CPT1A: variants seen among roughly 807,000 people sequenced by gnomAD.
The protein encoded by CPT1A is carnitine palmitoyltransferase 1A.
CPT1A carries 64 observed loss-of-function variants against 100.8 expected under a neutral mutation model. That is an observed-to-expected ratio of 0.63 (90% CI 0.52 to 0.78). The LOEUF is 0.78. Ranked by LOEUF, CPT1A falls within the 30% of genes least tolerant of loss-of-function variation. CPT1A has a pLI of 0.00. For synonymous variants in CPT1A, 363 were observed against 396.0 expected, an observed-to-expected ratio of 0.92 and a Z score of 0.99; for missense variants, 802 against 1,034.1, an observed-to-expected ratio of 0.78 and a Z score of 3.08.
chr11:68,797,053 T>C, intron 6 of CPT1A, 120 bp from the exon 7 acceptor site: 1 of 861,474 alleles, frequency 1.2e-6, no homozygotes, highest in Non-Finnish European at 1.9e-6. Flanking sequence ...TTTCGGCGTC[T>C]AACAGGGGCC....
intron 3 of CPT1A, among the ~76,000 whole-genome samples, chr11:68,809,438 A>G (rs1413580917): frequency 6.6e-6 from 1 of 152,226 alleles, no homozygotes; most frequent in African/African-American, 2.4e-5. Flanking sequence ...TGCTCCTTAC[A>G]AGGCTGTCGG....
At chr11:68,843,641 C>A (rs895043201), upstream of CPT1A, among the ~76,000 whole-genome samples, 2 of 152,234 alleles carry the variant, frequency 1.3e-5, no homozygotes, top group African/African-American at 2.4e-5. This position sits in a 1 kb window ranked among gnomAD's most constrained non-coding sequence, Gnocchi z 4.0. Context: ...TCTCATCTCT[C>A]CTTTTAATTT....
Position 68,813,430 on chromosome 11 carries a change from G to T in CPT1A, c.142-854C>A, listed in dbSNP as rs529557418. Among the ~76,000 whole-genome samples, 12 of 151,324 alleles carry T rather than the reference G, an allele frequency of 7.9e-5. No homozygotes were observed. The South Asian group carries it at 2.5e-3, about 31-fold the overall frequency. ...GCCTATAGTCCCAGCTACTCAGGAG[G>T]CTGAAGCAGAAGAATCACTGAGCCC... is the stretch of plus-strand genomic sequence containing the variant. On this transcript the variant is annotated intron_variant, in intron 2 of 18. Coordinates refer to ENST00000265641, the MANE Select transcript of CPT1A (RefSeq NM_001876.4).
intron 16 of CPT1A, among the ~76,000 whole-genome samples, chr11:68,761,186 A>G (rs1946802723): frequency 6.6e-6 from 1 of 151,064 alleles, no homozygotes; most frequent in Non-Finnish European, 1.5e-5. Flanking sequence ...TCAAAAAACA[A>G]TAATAATATA....
At chr11:68,760,196 T>A in intron 17 of CPT1A, 29 bp downstream of exon 17, 3 of 1,524,220 alleles carry the variant, frequency 2.0e-6, no homozygotes, top group Non-Finnish European at 2.7e-6. Flanking sequence ...CACGCCCCAC[T>A]GCGCCTCGCC....
At chr11:68,828,550 C>A (rs1351341985) in intron 1 of CPT1A, among the ~76,000 whole-genome samples, 3 of 152,224 alleles carry the variant, frequency 2.0e-5, no homozygotes, top group African/African-American at 7.2e-5. Flanking sequence ...CTTGGGCACA[C>A]CCTGCCAGAC....
At chr11:68,763,550 C>T (rs983369052) in intron 14 of CPT1A, among the ~76,000 whole-genome samples, 3 of 152,174 alleles carry the variant, frequency 2.0e-5, no homozygotes, top group Admixed American at 2.0e-4. Flanking sequence ...TGGGTGGGGC[C>T]GGAGCCTGAA....
intron 9 of CPT1A, among the ~76,000 whole-genome samples, chr11:68,791,645 G>A (rs1467680718): frequency 6.6e-6 from 1 of 151,908 alleles, no homozygotes; most frequent in Non-Finnish European, 1.5e-5. Flanking sequence ...CAAGTGATTC[G>A]TCTGCCTTAG....
Position 68,775,339 on chromosome 11 carries a change from G to C in CPT1A, c.1552C>G (p.Leu518Val). Reference protein sequence around the residue: ...INPNIPYPTRLQWDIPGECQE... With the variant: ...INPNIPYPTRVQWDIPGECQE... ...ACTTCCCCCGGGATGTCCCACTGCA[G>C]CCTGGTGGGGTACGGAATGTTCGGA... is the stretch of plus-strand genomic sequence containing the variant. The change falls in exon 13 of 19, where the codon CTG (leucine) becomes GTG (valine). Residue 518 changes from leucine (L) to valine (V), a missense_variant. Leu to Val is a conservative substitution (Grantham distance 32). This residue lies in a region of CPT1A where 627 missense variants were observed against 799.3 expected (regional missense o/e 0.78). Coordinates refer to ENST00000265641, the MANE Select transcript of CPT1A (RefSeq NM_001876.4). 6.2e-7 allele frequency: 1 copy of C among 1,613,874 alleles called. No individual in the cohort carries two copies. Among genetic ancestry groups the C allele is most frequent in the Non-Finnish European group, 8.5e-7 (1 of 1,179,724 alleles).
chr11:68,785,044 A>G, intron 9 of CPT1A, 34 bp from the exon 10 acceptor site: 1 of 1,604,894 alleles, frequency 6.2e-7, no homozygotes, highest in African/African-American at 1.3e-5. Flanking sequence ...CACAAAACCA[A>G]GAGTCCCAAG....
intron 1 of CPT1A, among the ~76,000 whole-genome samples, chr11:68,817,038 GTGA>G (rs1180392099): frequency 2.0e-4 from 4 of 19,764 alleles, no homozygotes; most frequent in East Asian, 1.5e-3. Context: ...TGGGTGTGTG[GTGA>G]TGTGTGGTTG....
At chr11:68,842,077 G>C (rs1484522460), upstream of CPT1A, 41 of 584,480 alleles carry the variant, frequency 7.0e-5, no homozygotes, top group Non-Finnish European at 8.0e-5. Flanking sequence ...CCGGAATGGG[G>C]TCTAGGACGA....
intron 5 of CPT1A, 121 bp downstream of exon 5, chr11:68,803,879 C>A (rs1197820216): frequency 7.8e-6 from 6 of 769,112 alleles, no homozygotes; most frequent in Non-Finnish European, 1.4e-5. Flanking sequence ...GAGAACCCTA[C>A]CAGGCACACC....
intron 9 of CPT1A, among the ~76,000 whole-genome samples, chr11:68,788,630 TAAAAAAAAAA>T: frequency 7.3e-5 from 2 of 27,556 alleles, no homozygotes; most frequent in East Asian, 2.0e-3. Context: ...CAAACAAAAG[TAAAAAAAAAA>T]AAAAAAAAAA....
At chr11:68,800,875 G>A (rs1855888258) in intron 5 of CPT1A, among the ~76,000 whole-genome samples, 2 of 152,278 alleles carry the variant, frequency 1.3e-5, no homozygotes, top group South Asian at 4.1e-4. Context: ...AGCACTTTGG[G>A]AGGCTGAATC....
chr11:68,799,452 A>C, intron 5 of CPT1A, 97 bp from the exon 6 acceptor site: 2 of 1,388,626 alleles, frequency 1.4e-6, no homozygotes, highest in Non-Finnish European at 2.0e-6. Flanking sequence ...GTTCTAACAC[A>C]TTGAAAAGGT....
Position 68,778,303 on chromosome 11 carries a change from G to A in CPT1A, c.1458+2337C>T, listed in dbSNP as rs576049174. ...AGCTGAGACCTAAGGAAGACCTGAC[G>A]GGGCCAGGAGCCAGGGGAAGCCAGG... On this transcript the variant is annotated intron_variant, in intron 12 of 18. Coordinates refer to ENST00000265641, the MANE Select transcript of CPT1A (RefSeq NM_001876.4). Among the ~76,000 whole-genome samples, 46 of 152,242 alleles carry A rather than the reference G, an allele frequency of 3.0e-4. 1 individual carries two copies. The highest frequency in any genetic ancestry group is 2.5e-3 in the South Asian group (12 of 4,828).
At position 68,819,641 on chromosome 11, in the gene CPT1A, T is replaced by C. The variant is rs115099945; in HGVS notation, c.-13-4154A>G. ...ACTTGCTCAGAAATCTAACCTCTGA[T>C]AGGAAGAGTCAGACTGGAGGTAATT... On this transcript the variant is annotated intron_variant, in intron 1 of 18. Coordinates refer to ENST00000265641, the MANE Select transcript of CPT1A (RefSeq NM_001876.4). 1.2e-3 allele frequency among the ~76,000 whole-genome samples: 187 copies of C among 152,316 alleles called. 2 individuals are homozygous for C. The highest frequency in any genetic ancestry group is 4.3e-3 in the African/African-American group (179 of 41,570).
rs140393330 is a variant in CPT1A at position 68,788,125 on chromosome 11, G to A, written c.968-3115C>T. 8.5e-5 allele frequency among the ~76,000 whole-genome samples: 13 copies of A among 152,204 alleles called. No individual in the cohort carries two copies. The South Asian group carries it at 2.1e-3, about 24-fold the overall frequency. On this transcript the variant is annotated intron_variant, in intron 9 of 18. Coordinates refer to ENST00000265641, the MANE Select transcript of CPT1A (RefSeq NM_001876.4). ...AGAAAATCGCTGTCTTGCTTAAGCC[G>A]TGCAGTCTGTGGTATTTGTTATGGT...
Sources: gnomAD v4.1 joint callset for allele counts (sites outside exome capture counted in the v4.1 genomes callset) on GRCh38, gnomAD v4.1.1 for gene constraint, gnomAD v4.1.1 regional missense constraint, Gnocchi (gnomAD v3.1) non-coding constraint, MANE v1.5 for transcripts, NCBI Gene and HGNC (gene_info 2026-07-23, HGNC 2026-07-21) for gene names.